DLG2: variants seen among roughly 807,000 people sequenced by gnomAD.
The protein encoded by DLG2 is disks large homolog 2.
A neutral mutation model predicts 132.5 loss-of-function variants in DLG2; 45 were observed. The observed-to-expected ratio is 0.34, with a 90% CI of 0.27 to 0.44. The LOEUF is 0.44. DLG2 is among the 20% of genes least tolerant of loss of function. The pLI is 1.00. For missense variants in DLG2, 1,045 were observed against 1,196.9 expected (o/e 0.87, Z 1.87); for synonymous variants, 424 against 419.6 (o/e 1.01, Z -0.13).
chr11:83,504,041 A>G (rs1428018839), intron 21 of DLG2, among the ~76,000 whole-genome samples: 2 of 152,244 alleles, frequency 1.3e-5, no homozygotes, highest in East Asian at 3.8e-4. Flanking sequence ...TGTGAGGTCA[A>G]TAAATCTTAT....
chr11:84,043,130 T>C (rs2096138367), intron 11 of DLG2, among the ~76,000 whole-genome samples: 1 of 151,450 alleles, frequency 6.6e-6, no homozygotes, highest in African/African-American at 2.4e-5. Flanking sequence ...CTTAAATTTA[T>C]TTAAGCAATT....
chr11:83,919,374 G>C (rs2077458676), intron 15 of DLG2, among the ~76,000 whole-genome samples: 1 of 152,072 alleles, frequency 6.6e-6, no homozygotes, highest in Non-Finnish European at 1.5e-5. Context: ...TTCCCATGCA[G>C]AGTCTCTGAA....
rs979934558 is a variant in DLG2, at chr11:84,683,444, C to A, written c.358-148713G>T. On this transcript the variant is annotated intron_variant, in intron 6 of 27. Transcript: ENST00000376104. ...AGCATTGGGAGAAAAGCTTAACAAT[C>A]ATAGTCCAAATATTTGACTTCAACC... Among the ~76,000 whole-genome samples the A allele has an allele frequency of 3.9e-5, 6 of 152,166 alleles. 1 individual carries two copies. The highest frequency in any genetic ancestry group is 1.4e-4 in the African/African-American group (6 of 41,436).
intron 19 of DLG2, among the ~76,000 whole-genome samples, chr11:83,606,877 A>T (rs2059417930): frequency 6.6e-6 from 1 of 152,202 alleles, no homozygotes; most frequent in African/African-American, 2.4e-5. Flanking sequence ...CAGTGAGCAG[A>T]GATCGCGCCA....
chr11:83,519,325 A>G (rs1037634213), intron 21 of DLG2, among the ~76,000 whole-genome samples: 1 of 152,240 alleles, frequency 6.6e-6, no homozygotes, highest in Admixed American at 6.5e-5. Context: ...CTAAAGTATC[A>G]CTAATCACAT....
intron 17 of DLG2, among the ~76,000 whole-genome samples, chr11:83,828,418 G>C (rs1271208697): frequency 6.6e-6 from 1 of 152,148 alleles, no homozygotes; most frequent in Non-Finnish European, 1.5e-5. Flanking sequence ...ATCTACTCGA[G>C]CATTTCCCAC....
chr11:85,339,774 A>G (rs1565346493), intron 3 of DLG2, among the ~76,000 whole-genome samples: 1 of 152,224 alleles, frequency 6.6e-6, no homozygotes, highest in Non-Finnish European at 1.5e-5. Context: ...TCTACAAAGA[A>G]CTCAAACAAA....
chr11:85,516,938 C>A (rs751198807), intron 3 of DLG2, among the ~76,000 whole-genome samples: 2 of 151,890 alleles, frequency 1.3e-5, no homozygotes, highest in African/African-American at 4.8e-5. Context: ...CCAGTACCAC[C>A]CTGATATGAA....
chr11:84,418,400 C>A (rs761410908), intron 7 of DLG2, among the ~76,000 whole-genome samples: 3 of 152,142 alleles, frequency 2.0e-5, no homozygotes, highest in African/African-American at 2.4e-5. Context: ...ATATGAAGGA[C>A]TTTATATACA....
At chr11:83,720,110 T>G (rs1256865718) in intron 18 of DLG2, among the ~76,000 whole-genome samples, 1 of 151,444 alleles carries the variant, frequency 6.6e-6, no homozygotes, top group Non-Finnish European at 1.5e-5. Flanking sequence ...CTGGTCAACA[T>G]GGCAAAACCC....
At chr11:85,099,481 A>G (rs1371600435) in intron 6 of DLG2, among the ~76,000 whole-genome samples, 1 of 152,232 alleles carries the variant, frequency 6.6e-6, no homozygotes, top group African/African-American at 2.4e-5. Flanking sequence ...TTATAAGTAC[A>G]AAAAACATAA....
chr11:84,706,651 A>T (rs1406416424), intron 6 of DLG2, among the ~76,000 whole-genome samples: 1 of 151,638 alleles, frequency 6.6e-6, no homozygotes, highest in East Asian at 2.0e-4. Flanking sequence ...AGTAATCTTG[A>T]CTTGTAACTA....
At chr11:85,390,677 C>T (rs975230888) in intron 3 of DLG2, among the ~76,000 whole-genome samples, 19 of 151,972 alleles carry the variant, frequency 1.3e-4, no homozygotes, top group Admixed American at 1.2e-3. Flanking sequence ...AAATAATATG[C>T]TCCTGAACAA....
intron 3 of DLG2, among the ~76,000 whole-genome samples, chr11:85,473,679 A>C (rs540250857): frequency 9.9e-5 from 15 of 152,194 alleles, no homozygotes; most frequent in Middle Eastern, 3.4e-3. Context: ...AATAAAAAAG[A>C]AAAAGTATTC....
chr11:83,906,110 T>C (rs1191651420), intron 15 of DLG2, among the ~76,000 whole-genome samples: 2 of 137,426 alleles, frequency 1.5e-5, no homozygotes, highest in Admixed American at 7.3e-5. Flanking sequence ...TATATACATA[T>C]ATAGTTTTGC....
intron 3 of DLG2, among the ~76,000 whole-genome samples, chr11:85,346,282 G>A (rs1165914858): frequency 6.6e-6 from 1 of 151,698 alleles, no homozygotes; most frequent in Non-Finnish European, 1.5e-5. Context: ...CTGCCTCCTG[G>A]GTTCACGCCA....
At chr11:83,524,108 A>C (rs1326897021) in intron 21 of DLG2, among the ~76,000 whole-genome samples, 1 of 152,212 alleles carries the variant, frequency 6.6e-6, no homozygotes, top group Non-Finnish European at 1.5e-5. Flanking sequence ...AGGGGTGGGC[A>C]AAAGATAGAC....
Position 84,425,351 on chromosome 11 carries a change from T to C in DLG2, c.519+109219A>G, listed in dbSNP as rs1003109558. 2.6e-5 allele frequency among the ~76,000 whole-genome samples: 4 copies of C among 152,122 alleles called. No homozygotes were observed. The South Asian group carries it at 6.2e-4, about 24-fold the overall frequency. On this transcript the variant is annotated intron_variant, in intron 7 of 27. Transcript: ENST00000376104. ...AATGGAAAGCATTATTTAATCTGGA[T>C]TGTATTGGAATTTGCTTTCTAAAAG...
At chr11:83,773,082 T>C (rs1444828661) in intron 18 of DLG2, among the ~76,000 whole-genome samples, 1 of 152,238 alleles carries the variant, frequency 6.6e-6, no homozygotes, top group Non-Finnish European at 1.5e-5. Context: ...GAAAGCCTGA[T>C]AATTCTATGC....
Sources: allele counts gnomAD v4.1 joint callset (sites outside exome capture counted in the v4.1 genomes callset), GRCh38; gene constraint gnomAD v4.1.1; transcripts MANE v1.5; gene names NCBI Gene and HGNC (gene_info 2026-07-23, HGNC 2026-07-21).